ACOX1: variants seen among roughly 807,000 people sequenced by gnomAD.
ACOX1 encodes the protein acyl-CoA oxidase 1.
In ACOX1, 41 loss-of-function variants were observed where a neutral mutation model predicts 75.5. The observed-to-expected ratio is 0.54, with a 90% CI of 0.42 to 0.70. The LOEUF (loss-of-function observed/expected upper bound fraction) is 0.70. Among genes scored for constraint, ACOX1 ranks in the 30% least tolerant of loss-of-function variants. The pLI, the probability that ACOX1 is intolerant of heterozygous loss-of-function variation, is 0.00. For missense variants in ACOX1, 630 were observed against 837.5 expected (o/e 0.75, Z 3.06); for synonymous variants, 303 against 298.8 (o/e 1.01, Z -0.15).
chr17:75,957,287 A>C, intron 4 of ACOX1, 172 bp downstream of exon 4: 1 of 651,880 alleles, frequency 1.5e-6, no homozygotes, highest in East Asian at 2.9e-5. Flanking sequence ...CAGCATATTA[A>C]CCAGGCTGGT....
In ACOX1 at chr17:75,960,768, A is replaced by T. The variant is rs2065879500; in HGVS notation, c.270-393T>A. 6.6e-6 allele frequency among the ~76,000 whole-genome samples: 1 copy of T among 152,242 alleles called. No individual in the cohort carries two copies. ...CAAGGCGGTCAGATCACCTTAAGTCAGGAGTTCGAGACCAGCCTGGCCAAC... is the reference window on the plus strand; with the variant it reads ...CAAGGCGGTCAGATCACCTTAAGTCTGGAGTTCGAGACCAGCCTGGCCAAC... On this transcript the variant is annotated intron_variant, in intron 2 of 13. Coordinates refer to ENST00000293217, the MANE Select transcript of ACOX1 (RefSeq NM_004035.7). This position sits in a 1 kb window ranked among gnomAD's most constrained non-coding sequence, Gnocchi z 4.4.
At position 75,978,970 on chromosome 17, in the gene ACOX1, TCTCGG is replaced by T; in HGVS notation, c.99_103del (p.Arg34AspfsTer14). 6.2e-7 allele frequency: 1 copy of T among 1,610,096 alleles called. No individual in the cohort carries two copies. The highest frequency in any genetic ancestry group is 8.5e-7 in the Non-Finnish European group (1 of 1,179,946). On this transcript the variant is annotated frameshift_variant, in exon 1 of 14. Coordinates refer to ENST00000293217, the MANE Select transcript of ACOX1 (RefSeq NM_004035.7). LOFTEE classifies it high-confidence loss of function. This position sits in a 1 kb window ranked among gnomAD's most constrained non-coding sequence, Gnocchi z 4.2. Reference sequence around the variant, plus strand: ...GTCTCGCCCGCCGCCCTCACCGATCTCTCGGCGGCGCCGGGTTTTCTCGGGGCTGC... The same window carrying T: ...GTCTCGCCCGCCGCCCTCACCGATCTCGGCGCCGGGTTTTCTCGGGGCTGC...
chr17:75,969,986 A>G (rs1184155425), intron 2 of ACOX1, among the ~76,000 whole-genome samples: 2 of 151,994 alleles, frequency 1.3e-5, no homozygotes, highest in African/African-American at 4.8e-5. Context: ...GGAGTTCAAG[A>G]CCAGCCTGGC....
At chr17:75,949,142 G>A in intron 12 of ACOX1, 75 bp downstream of exon 12, 3 of 1,569,212 alleles carry the variant, frequency 1.9e-6, no homozygotes, top group Non-Finnish European at 2.6e-6. Flanking sequence ...TTACAGGCAT[G>A]AGCCACCGTG....
rs376105255 is a variant in ACOX1 at position 75,955,858 on chromosome 17, G to A, written c.628C>T (p.Arg210Cys). 132 of 1,613,822 alleles carry A rather than the reference G, an allele frequency of 8.2e-5. No individual in the cohort carries two copies. The highest frequency in any genetic ancestry group is 1.0e-4 in the Non-Finnish European group (120 of 1,179,964). ...YGLHAFIVPIREIGTHKPLPG... is the reference protein window; with the variant it reads ...YGLHAFIVPICEIGTHKPLPG... ...AAAGGCTTATGGGTCCCGATTTCAC[G>A]AATAGGTACGATAAAGGCATGTAAT... Residue 210 changes from arginine (R) to cysteine (C), a missense_variant, in exon 5 of 14, where the codon CGT becomes TGT. Coordinates refer to ENST00000293217, the MANE Select transcript of ACOX1 (RefSeq NM_004035.7).
At chr17:75,967,633 TAC>T (rs1482948876) in intron 2 of ACOX1, among the ~76,000 whole-genome samples, 4 of 86,302 alleles carry the variant, frequency 4.6e-5, no homozygotes, top group African/African-American at 4.3e-4. Flanking sequence ...TATATATACA[TAC>T]ATATATATAC....
chr17:75,943,512 T>C lies in ACOX1; in HGVS notation c.*3236A>G, dbSNP rs965457333. The C allele has an allele frequency of 1.3e-5, 2 of 152,336 alleles. No individual in the cohort carries two copies. The highest frequency in any genetic ancestry group is 2.9e-5 in the Non-Finnish European group (2 of 68,212). The allele number at this position is 152,336 out of a possible 1,614,324, so 9.4% of individuals were successfully genotyped here. A position where few individuals can be genotyped will look rare whatever the true frequency, so the allele number is the denominator to read the frequency against. ...ACAATCACACCACTGCATTCCAGCC[T>C]GGGTGAGAGTGAGACCCTCATGGGG... On this transcript the variant is annotated 3_prime_UTR_variant, in exon 14 of 14. Coordinates refer to ENST00000293217, the MANE Select transcript of ACOX1 (RefSeq NM_004035.7).
At chr17:75,964,798 C>T (rs2065915546) in intron 2 of ACOX1, among the ~76,000 whole-genome samples, 1 of 152,094 alleles carries the variant, frequency 6.6e-6, no homozygotes, top group Non-Finnish European at 1.5e-5. Flanking sequence ...TAGTGAAGGG[C>T]TAGAGTCAGC....
At chr17:75,967,405 G>C (rs1472514048) in intron 2 of ACOX1, among the ~76,000 whole-genome samples, 1 of 150,358 alleles carries the variant, frequency 6.7e-6, no homozygotes, top group Non-Finnish European at 1.5e-5. Flanking sequence ...AGGAGGCAGA[G>C]GTTACAGTGA....
chr17:75,949,581 T>C lies in ACOX1; in HGVS notation c.1498A>G (p.Lys500Glu), dbSNP rs756311982. ...RAARLVEIAA[K>E]NLQKEVIHRK... ...TGAATCACTTCTTTTTGAAGGTTTT[T>C]TGCAGCAATTTCTACTAATCTGTTA... Residue 500 changes from lysine (K) to glutamate (E), a missense_variant, in exon 11 of 14, where the codon AAA becomes GAA. By Grantham distance (56) the Lys-to-Glu change is moderately conservative. Coordinates refer to ENST00000293217, the MANE Select transcript of ACOX1 (RefSeq NM_004035.7). 1.9e-6 allele frequency: 3 copies of C among 1,614,224 alleles called. No individual in the cohort carries two copies. The highest frequency in any genetic ancestry group is 2.5e-6 in the Non-Finnish European group (3 of 1,180,042).
chr17:75,972,257 G>A (rs1023834031), intron 2 of ACOX1, among the ~76,000 whole-genome samples: 11 of 151,062 alleles, frequency 7.3e-5, no homozygotes, highest in African/African-American at 2.4e-4. Flanking sequence ...AACCCAGGAG[G>A]CGGAGCTTGC....
chr17:75,968,047 G>A (rs1039670226), intron 2 of ACOX1, among the ~76,000 whole-genome samples: 4 of 151,036 alleles, frequency 2.6e-5, no homozygotes, highest in African/African-American at 4.9e-5. Flanking sequence ...CCAAAAAACC[G>A]TATTTTATAC....
rs903588080 is a variant in ACOX1, at chr17:75,942,078, C to T, written c.*4670G>A. The stretch of plus-strand genomic sequence containing the variant: ...CTCTAATAATGTTCCTTATATGTTT[C>T]TGTGTTTACTATCATGAACCATAGG... On this transcript the variant is annotated 3_prime_UTR_variant, in exon 14 of 14. Transcript: ENST00000293217. 1 of 152,150 alleles carries T rather than the reference C, an allele frequency of 6.6e-6. No individual in the cohort carries two copies. The highest frequency in any genetic ancestry group is 1.5e-5 in the Non-Finnish European group (1 of 68,044). The allele number at this position is 152,150 out of a possible 1,614,324, so 9.4% of individuals were successfully genotyped here. A position where few individuals can be genotyped will look rare whatever the true frequency, so the allele number is the denominator to read the frequency against.
intron 2 of ACOX1, among the ~76,000 whole-genome samples, chr17:75,975,050 C>CAAAAAA (rs1022347068): frequency 2.5e-5 from 1 of 40,258 alleles, no homozygotes; most frequent in African/African-American, 1.0e-4. Flanking sequence ...ACTCTGTCTC[C>CAAAAAA]AAAAAAAAAA....
In ACOX1 at chr17:75,948,466, G is replaced by C; in HGVS notation, c.1729-9C>G. 1 of 1,612,196 alleles carries C rather than the reference G, an allele frequency of 6.2e-7. No homozygotes were observed. Among genetic ancestry groups the C allele is most frequent in the African/African-American group, 1.3e-5 (1 of 74,924 alleles). ...TCTGTCATGATGCTCCCCTAAAAGAGACCAAAATAAGTAAATAAAACATAT... is the reference window on the plus strand; with the variant it reads ...TCTGTCATGATGCTCCCCTAAAAGACACCAAAATAAGTAAATAAAACATAT... On this transcript the variant is annotated splice_polypyrimidine_tract_variant and intron_variant, in intron 12 of 13. Transcript: ENST00000293217.
At chr17:75,966,368 A>T (rs1472839897) in intron 2 of ACOX1, among the ~76,000 whole-genome samples, 2 of 151,562 alleles carry the variant, frequency 1.3e-5, no homozygotes, top group African/African-American at 4.8e-5. Context: ...GAGGCAGGAG[A>T]ATCGCTTGAA....
intron 5 of ACOX1, 46 bp from the exon 6 acceptor site, chr17:75,955,727 T>C: frequency 6.2e-7 from 1 of 1,612,218 alleles, no homozygotes; most frequent in South Asian, 1.1e-5. Context: ...TGCTCTGGAA[T>C]TTCTGGCTTT....
Position 75,946,600 on chromosome 17 carries a change from T to C in ACOX1, c.*148A>G, listed in dbSNP as rs187823146. 68 of 722,488 alleles carry C rather than the reference T, an allele frequency of 9.4e-5. 1 individual carries two copies. In the Admixed American group the frequency reaches 1.1e-3, roughly 12 times the overall value. 44.8% of individuals were successfully genotyped at this position (722,488 alleles called of 1,614,324 possible). A position where few individuals can be genotyped will look rare whatever the true frequency, so the allele number is the denominator to read the frequency against. On this transcript the variant is annotated 3_prime_UTR_variant, in exon 14 of 14. Transcript: ENST00000293217. ...CATCTGCTTTTTTTCATTTAATCTC[T>C]GAAATCTGTTCATTTTTTCCCTCCA...
In ACOX1 at chr17:75,951,846, CCT is replaced by C. The variant is rs764074088; in HGVS notation, c.945-271_945-270del. 5.0e-5 allele frequency among the ~76,000 whole-genome samples: 7 copies of C among 140,044 alleles called. No homozygotes were observed. The East Asian group carries it at 1.2e-3, about 24-fold the overall frequency. 91.9% of individuals were successfully genotyped at this position (140,044 alleles called of 152,430 possible). Reference sequence around the variant, plus strand: ...TTTTTTTTTTTTGTGATGGAGTCTCCCTCTGTCACCCAGGCTTTAGTGCAGTG... The same window carrying C: ...TTTTTTTTTTTTGTGATGGAGTCTCCCTGTCACCCAGGCTTTAGTGCAGTG... On this transcript the variant is annotated intron_variant, in intron 7 of 13. Coordinates refer to ENST00000293217, the MANE Select transcript of ACOX1 (RefSeq NM_004035.7).
Sources: gnomAD v4.1 joint callset for allele counts (sites outside exome capture counted in the v4.1 genomes callset) on GRCh38, gnomAD v4.1.1 for gene constraint, Gnocchi (gnomAD v3.1) non-coding constraint, MANE v1.5 for transcripts, NCBI Gene and HGNC (gene_info 2026-07-23, HGNC 2026-07-21) for gene names.